Variants in PDE12 observed in about 807,000 individuals in gnomAD.
PDE12 encodes the protein phosphodiesterase 12.
A neutral mutation model predicts 45.4 loss-of-function variants in PDE12; 26 were observed. The observed-to-expected ratio is 0.57, with a 90% CI of 0.42 to 0.79. The LOEUF is 0.79. Ranked by LOEUF, PDE12 falls within the 30% of genes least tolerant of loss-of-function variation. PDE12 has a pLI of 0.00. For missense variants in PDE12, 668 were observed against 790.0 expected (o/e 0.85, Z 1.85); for synonymous variants, 283 against 323.9 (o/e 0.87, Z 1.36).
chr3:57,611,566 T>A, the PDE12 span, among the ~76,000 whole-genome samples: 7 of 152,020 alleles, frequency 4.6e-5, no homozygotes, highest in Non-Finnish European at 1.0e-4. Flanking sequence ...CATCAAAAAG[T>A]GGGAGAAGGA....
the PDE12 span, among the ~76,000 whole-genome samples, chr3:57,596,353 A>G: frequency 5.3e-5 from 8 of 152,234 alleles, no homozygotes; most frequent in Non-Finnish European, 8.8e-5. Flanking sequence ...CCGCCTAAAA[A>G]TAAGCTTAAA....
chr3:57,582,399 C>A, the PDE12 span, among the ~76,000 whole-genome samples: 1 of 150,600 alleles, frequency 6.6e-6, no homozygotes, highest in African/African-American at 2.4e-5. Flanking sequence ...CGCGCCACCA[C>A]GCCCGGCTAA....
At chr3:57,646,543 T>C in the PDE12 span, 1 of 1,412,638 alleles carries the variant, frequency 7.1e-7, no homozygotes. Flanking sequence ...AAATTCTTCC[T>C]GCTATTTGTA....
At chr3:57,650,646 G>A in the PDE12 span, among the ~76,000 whole-genome samples, 6 of 152,154 alleles carry the variant, frequency 3.9e-5, no homozygotes, top group African/African-American at 1.4e-4. Context: ...TGGAACCCAA[G>A]AGAATGGAAA....
chr3:57,609,426 C>CA, the PDE12 span, among the ~76,000 whole-genome samples: 3 of 151,746 alleles, frequency 2.0e-5, no homozygotes, highest in Non-Finnish European at 2.9e-5. Context: ...AAAAATCCTT[C>CA]AAAAAAATCA....
At chr3:57,607,621 A>G in the PDE12 span, among the ~76,000 whole-genome samples, 3 of 152,216 alleles carry the variant, frequency 2.0e-5, no homozygotes, top group African/African-American at 4.8e-5. Flanking sequence ...GATTCGATCA[A>G]CTGGAAGAAA....
At chr3:57,559,189 C>A (rs1213503907) in intron 1 of PDE12, 121 bp from the exon 2 acceptor site, 1 of 772,502 alleles carries the variant, frequency 1.3e-6, no homozygotes, top group Non-Finnish European at 2.1e-6. Context: ...CTACTGCACT[C>A]CAGCCTGGTT....
chr3:57,621,487 T>C, the PDE12 span, among the ~76,000 whole-genome samples: 2 of 152,148 alleles, frequency 1.3e-5, no homozygotes, highest in Non-Finnish European at 2.9e-5. Flanking sequence ...CTGGCCAATA[T>C]GGTGAAACCC....
In PDE12 at chr3:57,560,061, T is replaced by G; in HGVS notation, c.*57T>G. On this transcript the variant is annotated 3_prime_UTR_variant, in exon 3 of 3. Transcript: ENST00000311180. ...GGAAGTAGTTATTTTAGCAGAAAAT[T>G]TAATATGAATCAAAGCTTATATGTA... 6.5e-7 allele frequency: 1 copy of G among 1,529,976 alleles called. No homozygotes were observed. Among genetic ancestry groups the G allele is most frequent in the Non-Finnish European group, 8.7e-7 (1 of 1,148,098 alleles). 94.8% of individuals were successfully genotyped at this position (1,529,976 alleles called of 1,614,324 possible).
the PDE12 span, among the ~76,000 whole-genome samples, chr3:57,640,683 T>TAA: frequency 6.6e-6 from 1 of 152,210 alleles, no homozygotes; most frequent in South Asian, 2.1e-4. Context: ...GTCGGAGAGA[T>TAA]GTCTTCCATT....
the PDE12 span, among the ~76,000 whole-genome samples, chr3:57,651,387 A>G: frequency 6.6e-6 from 1 of 152,198 alleles, no homozygotes; most frequent in Admixed American, 6.5e-5. Flanking sequence ...TATAAACATT[A>G]TTCTGGGTGA....
chr3:57,603,268 C>T, the PDE12 span, among the ~76,000 whole-genome samples: 60 of 152,302 alleles, frequency 3.9e-4, no homozygotes, highest in East Asian at 9.1e-3. Context: ...AAGGTTATTT[C>T]ACAAAATCTC....
the PDE12 span, chr3:57,583,955 A>G: frequency 1.2e-6 from 2 of 1,613,040 alleles, no homozygotes; most frequent in Non-Finnish European, 1.7e-6. Flanking sequence ...GACCACCAAC[A>G]TCCCATACTG....
the PDE12 span, among the ~76,000 whole-genome samples, chr3:57,574,790 G>A: frequency 6.6e-6 from 1 of 152,092 alleles, no homozygotes; most frequent in Non-Finnish European, 1.5e-5. Flanking sequence ...CTGAGATAGT[G>A]AGAGGATTGC....
At chr3:57,613,363 G>C in the PDE12 span, among the ~76,000 whole-genome samples, 28 of 148,184 alleles carry the variant, frequency 1.9e-4, no homozygotes, top group African/African-American at 6.8e-4. Context: ...GCACGATCTC[G>C]GCTCACTGCA....
At chr3:57,581,698 G>T in the PDE12 span, among the ~76,000 whole-genome samples, 4 of 152,148 alleles carry the variant, frequency 2.6e-5, no homozygotes, top group Admixed American at 6.6e-5. Context: ...TACTTGGGAG[G>T]CTGAGGCAGG....
the PDE12 span, among the ~76,000 whole-genome samples, chr3:57,608,302 A>G: frequency 2.6e-5 from 4 of 152,212 alleles, no homozygotes; most frequent in African/African-American, 9.6e-5. Flanking sequence ...TGTAAAGACC[A>G]TTGATGCTAG....
At chr3:57,630,324 TAA>T in the PDE12 span, 1 of 1,115,358 alleles carries the variant, frequency 9.0e-7, no homozygotes, top group Admixed American at 3.3e-5. Context: ...TTACTATTTA[TAA>T]AGAGTGGATA....
rs146809473 is a variant in PDE12, at chr3:57,556,439, G to A, written c.60G>A (p.Lys20=). 1.1e-4 allele frequency: 184 copies of A among 1,612,192 alleles called. No individual in the cohort carries two copies. The highest frequency in any genetic ancestry group is 1.5e-4 in the Non-Finnish European group (177 of 1,179,502). The change falls in exon 1 of 3, where the codon AAG becomes AAA. Residue 20 remains lysine, a synonymous_variant. Coordinates refer to ENST00000311180, the MANE Select transcript of PDE12 (RefSeq NM_177966.7). This position sits in a 1 kb window ranked among gnomAD's most constrained non-coding sequence, Gnocchi z 5.0. ...GGGTGATCCGGACGGCGGTGGAGAA[G>A]CTGAGCCGGGCTGAAGCGGGGAGCC... is the stretch of plus-strand genomic sequence containing the variant. ...ALRVIRTAVE[K]LSRAEAGSQT...
Sources: gnomAD v4.1 joint callset for allele counts (sites outside exome capture counted in the v4.1 genomes callset) on GRCh38, gnomAD v4.1.1 for gene constraint, Gnocchi (gnomAD v3.1) non-coding constraint, MANE v1.5 for transcripts, NCBI Gene and HGNC (gene_info 2026-07-23, HGNC 2026-07-21) for gene names.